Variants in PACS1 observed in about 807,000 individuals in gnomAD.
The protein encoded by PACS1 is phosphofurin acidic cluster sorting protein 1, also known as PACS-1.
A neutral mutation model predicts 115.0 loss-of-function variants in PACS1; 24 were observed. That is an observed-to-expected ratio of 0.21 (90% CI 0.15 to 0.29). The LOEUF (loss-of-function observed/expected upper bound fraction) is 0.29, where lower values mean the gene tolerates loss of function less well. PACS1 is among the 10% of genes least tolerant of loss of function. The pLI is 1.00. For missense variants in PACS1, 838 were observed against 1,251.2 expected, an observed-to-expected ratio of 0.67 and a Z score of 4.98; for synonymous variants, 453 against 504.5, an observed-to-expected ratio of 0.90 and a Z score of 1.37.
chr11:66,194,348 T>C (rs560462957), intron 2 of PACS1, among the ~76,000 whole-genome samples: 2 of 152,344 alleles, frequency 1.3e-5, no homozygotes, highest in East Asian at 1.9e-4. Context: ...CTGGGATATT[T>C]TATCTCTATA....
intron 1 of PACS1, among the ~76,000 whole-genome samples, chr11:66,165,555 T>G (rs1374870529): frequency 2.0e-5 from 3 of 152,176 alleles, no homozygotes; most frequent in Non-Finnish European, 4.4e-5. Context: ...ATTTAAGATG[T>G]GTCAAACTTG....
chr11:66,230,536 C>T lies in PACS1; in HGVS notation c.1375-12C>T, dbSNP rs1434087432. ...GGAGGTCATCTTCACTGTTTCCTCT[C>T]CTCCATGGTAGGAAATCACTGACCA... On this transcript the variant is annotated splice_polypyrimidine_tract_variant and intron_variant, in intron 11 of 23. Transcript: ENST00000320580. The T allele has an allele frequency of 4.4e-6, 7 of 1,602,426 alleles. No homozygotes were observed. The highest frequency in any genetic ancestry group is 2.2e-5 in the East Asian group (1 of 44,818).
chr11:66,135,507 T>A (rs1000652552), intron 1 of PACS1, among the ~76,000 whole-genome samples: 5 of 152,332 alleles, frequency 3.3e-5, no homozygotes, highest in African/African-American at 1.2e-4. Flanking sequence ...GTTCTTCATT[T>A]TAACTTTAGT....
At chr11:66,095,705 G>T (rs897019589) in intron 1 of PACS1, among the ~76,000 whole-genome samples, 1 of 151,938 alleles carries the variant, frequency 6.6e-6, no homozygotes, top group Non-Finnish European at 1.5e-5. Flanking sequence ...TGATCCACCC[G>T]CCTTGGCCTC....
chr11:66,208,191 G>A (rs1333025645), intron 2 of PACS1, among the ~76,000 whole-genome samples: 2 of 152,142 alleles, frequency 1.3e-5, no homozygotes, highest in Non-Finnish European at 2.9e-5. Flanking sequence ...TGGCTGAGGC[G>A]TTTTTCCATG....
Position 66,172,837 on chromosome 11 carries a change from G to A in PACS1, c.357-20649G>A, listed in dbSNP as rs1428157520. 3.9e-5 allele frequency among the ~76,000 whole-genome samples: 6 copies of A among 152,114 alleles called. 1 individual carries two copies. Among genetic ancestry groups the A allele is most frequent in the Admixed American group, 2.6e-4 (4 of 15,262 alleles). On this transcript the variant is annotated intron_variant, in intron 1 of 23. Coordinates refer to ENST00000320580, the MANE Select transcript of PACS1 (RefSeq NM_018026.4). ...CTAAACATACAAAAATTAGCTGGGC[G>A]TGGTGGCGCGTGCCTGTAGTCCCAG... is the stretch of plus-strand genomic sequence containing the variant.
At chr11:66,219,611 G>A (rs1430938853) in intron 7 of PACS1, 135 bp from the exon 8 acceptor site, 1 of 763,778 alleles carries the variant, frequency 1.3e-6, no homozygotes, top group Non-Finnish European at 2.4e-6. Context: ...TGAGTGCCAA[G>A]GGCAGAGACC....
chr11:66,219,504 G>C (rs150501600), intron 7 of PACS1: 5 of 650,968 alleles, frequency 7.7e-6, no homozygotes, highest in Non-Finnish European at 1.4e-5. Context: ...GGGGCACAGG[G>C]GGGTGGAGGA....
At chr11:66,232,578 T>A (rs1354043519) in intron 14 of PACS1, among the ~76,000 whole-genome samples, 2 of 152,298 alleles carry the variant, frequency 1.3e-5, no homozygotes, top group Non-Finnish European at 1.5e-5. Context: ...GGCAGCATAG[T>A]GGAACGGAGG....
chr11:66,174,069 G>T lies in PACS1; in HGVS notation c.357-19417G>T, dbSNP rs80215867. ...CTGTCTCAAAAAAAAAAAGGCAAAA[G>T]ATTTGAATAGAGATTTTACCAAAGA... On this transcript the variant is annotated intron_variant, in intron 1 of 23. Coordinates refer to ENST00000320580, the MANE Select transcript of PACS1 (RefSeq NM_018026.4). Among the ~76,000 whole-genome samples the T allele has an allele frequency of 8.4e-3, 1,256 of 149,812 alleles. 85 individuals carry two copies. In the East Asian group the frequency reaches 0.17, roughly 20 times the overall value.
At position 66,184,255 on chromosome 11, in the gene PACS1, G is replaced by T. The variant is rs553181273; in HGVS notation, c.357-9231G>T. ...TTGAGCCTGAGAGGCGGAGGCTGCGGTGAGCCGAGATCGCACCACTGCACT... is the reference window on the plus strand; with the variant it reads ...TTGAGCCTGAGAGGCGGAGGCTGCGTTGAGCCGAGATCGCACCACTGCACT... On this transcript the variant is annotated intron_variant, in intron 1 of 23. Coordinates refer to ENST00000320580, the MANE Select transcript of PACS1 (RefSeq NM_018026.4). Among the ~76,000 whole-genome samples the T allele has an allele frequency of 5.3e-5, 8 of 150,502 alleles. No homozygotes were observed. The East Asian group carries it at 1.6e-3, about 29-fold the overall frequency.
chr11:66,219,626 C>T lies in PACS1; in HGVS notation c.979-120C>T, dbSNP rs72936669. The T allele has an allele frequency of 0.055, 44,430 of 805,654 alleles. 1,585 individuals are homozygous for T. Among genetic ancestry groups the T allele is most frequent in the Non-Finnish European group, 0.071 (32,141 of 451,640 alleles). The allele number at this position is 805,654 out of a possible 1,614,324, so 49.9% of individuals were successfully genotyped here. On this transcript the variant is annotated intron_variant, in intron 7 of 23. Coordinates refer to ENST00000320580, the MANE Select transcript of PACS1 (RefSeq NM_018026.4). ...TGAGTGCCAAGGGCAGAGACCAAGT[C>T]CTCCAGTCTTCGTGTCTTCCCACAG...
intron 1 of PACS1, among the ~76,000 whole-genome samples, chr11:66,191,712 T>C (rs1448603339): frequency 6.6e-6 from 1 of 152,214 alleles, no homozygotes; most frequent in Non-Finnish European, 1.5e-5. Flanking sequence ...TTCTTTGTGT[T>C]AGTCAGCAGA....
chr11:66,083,390 A>G (rs1040277390), intron 1 of PACS1, among the ~76,000 whole-genome samples: 1 of 152,218 alleles, frequency 6.6e-6, no homozygotes, highest in Non-Finnish European at 1.5e-5. Context: ...CTTTTAAAAA[A>G]AGTATAAAAA....
At chr11:66,224,368 T>A (rs1178411043) in intron 10 of PACS1, among the ~76,000 whole-genome samples, 2 of 152,166 alleles carry the variant, frequency 1.3e-5, no homozygotes, top group Non-Finnish European at 2.9e-5. Flanking sequence ...ACGCCTTTGC[T>A]TCCTCATCTA....
At chr11:66,077,450 A>G (rs1857416641) in intron 1 of PACS1, among the ~76,000 whole-genome samples, 1 of 152,032 alleles carries the variant, frequency 6.6e-6, no homozygotes, top group African/African-American at 2.4e-5. Context: ...GGTCCCAGCT[A>G]CTCAGGAGGC....
chr11:66,192,885 T>C (rs575134717), intron 1 of PACS1, among the ~76,000 whole-genome samples: 1 of 152,350 alleles, frequency 6.6e-6, no homozygotes, highest in East Asian at 1.9e-4. Flanking sequence ...GCACTGAAGA[T>C]TTTCTGCATA....
intron 1 of PACS1, among the ~76,000 whole-genome samples, chr11:66,097,961 T>C (rs2134523046): frequency 6.6e-6 from 1 of 152,328 alleles, no homozygotes; most frequent in Non-Finnish European, 1.5e-5. Context: ...GTGGATCGCC[T>C]GAGCTCAGGA....
At chr11:66,154,249 C>CAACA (rs1859306397) in intron 1 of PACS1, among the ~76,000 whole-genome samples, 1 of 152,118 alleles carries the variant, frequency 6.6e-6, no homozygotes, top group Non-Finnish European at 1.5e-5. Context: ...CCAGCCTGGG[C>CAACA]AACATAGTGA....
Sources: gnomAD v4.1 joint callset for allele counts (sites outside exome capture counted in the v4.1 genomes callset) on GRCh38, gnomAD v4.1.1 for gene constraint, MANE v1.5 for transcripts, NCBI Gene and HGNC (gene_info 2026-07-23, HGNC 2026-07-21) for gene names.